NEDD4L: variants seen among roughly 807,000 people sequenced by gnomAD.
NEDD4L encodes the protein E3 ubiquitin-protein ligase NEDD4-like.
A neutral mutation model predicts 148.9 loss-of-function variants in NEDD4L; 54 were observed. The observed-to-expected ratio is 0.36, with a 90% CI of 0.29 to 0.45. The LOEUF is 0.45. Among genes scored for constraint, NEDD4L ranks in the 20% least tolerant of loss-of-function variants. The probability of loss-of-function intolerance (pLI) is 1.00; values close to 1 mark genes in which losing one functional copy is unlikely to be tolerated. For synonymous variants in NEDD4L, 433 were observed against 440.7 expected (o/e 0.98, Z 0.22); for missense variants, 856 against 1,233.8 (o/e 0.69, Z 4.59).
intron 13 of NEDD4L, among the ~76,000 whole-genome samples, chr18:58,340,188 A>C (rs151114557): frequency 2.3e-4 from 35 of 152,286 alleles, no homozygotes; most frequent in African/African-American, 8.4e-4. Context: ...CATCTGTCCC[A>C]GTGCCTCCAT....
At chr18:58,237,601 T>C (rs1462595669) in intron 2 of NEDD4L, among the ~76,000 whole-genome samples, 1 of 152,198 alleles carries the variant, frequency 6.6e-6, no homozygotes, top group Non-Finnish European at 1.5e-5. Flanking sequence ...GGAACAAAAT[T>C]TTTTAACAAA....
intron 5 of NEDD4L, among the ~76,000 whole-genome samples, chr18:58,315,399 C>T (rs547308738): frequency 3.9e-5 from 6 of 151,918 alleles, no homozygotes; most frequent in Non-Finnish European, 7.4e-5. Flanking sequence ...GAGGGAGAGG[C>T]ATGGTGTGTC....
chr18:58,064,198 TC>T (rs1382523240), intron 1 of NEDD4L, among the ~76,000 whole-genome samples: 2 of 152,006 alleles, frequency 1.3e-5, no homozygotes, highest in East Asian at 3.9e-4. Flanking sequence ...TCTCCTGACT[TC>T]GTGATCTGCC....
chr18:58,397,855 A>G lies in NEDD4L; in HGVS notation c.*1586A>G, dbSNP rs983368273. On this transcript the variant is annotated 3_prime_UTR_variant, in exon 31 of 31. Transcript: ENST00000400345. ...TGTCCTAGACCCTGTCGGGGCAGTC[A>G]GGGGACACTAGAGATTTGATCTCAT... The G allele has an allele frequency of 6.6e-6, 1 of 152,654 alleles. No homozygotes were observed. Among genetic ancestry groups the G allele is most frequent in the Admixed American group, 6.5e-5 (1 of 15,284 alleles). The allele number at this position is 152,654 out of a possible 1,614,324, so 9.5% of individuals were successfully genotyped here. A position where few individuals can be genotyped will look rare whatever the true frequency, so the allele number is the denominator to read the frequency against.
At chr18:58,078,075 CAAAATA>C (rs2083262782) in intron 1 of NEDD4L, among the ~76,000 whole-genome samples, 1 of 149,698 alleles carries the variant, frequency 6.7e-6, no homozygotes, top group African/African-American at 2.5e-5. Context: ...CCAGACAAAC[CAAAATA>C]AAAATAAAAA....
chr18:58,086,781 G>A (rs146984694), intron 1 of NEDD4L, among the ~76,000 whole-genome samples: 1 of 152,204 alleles, frequency 6.6e-6, no homozygotes, highest in African/African-American at 2.4e-5. Context: ...ATCTAATGTT[G>A]TGTAACAAAT....
At position 58,044,562 on chromosome 18, in the gene NEDD4L, C is replaced by G. The variant is rs1476686874; in HGVS notation, c.-99C>G. On this transcript the variant is annotated 5_prime_UTR_variant, in exon 1 of 31. Transcript: ENST00000400345. ...GGCAGGGCGTGCGCAGGGTAGGGTG[C>G]GGGACCGGGGGGACCTGGAGGCAGA... 5 of 1,381,676 alleles carry G rather than the reference C, an allele frequency of 3.6e-6. No individual in the cohort carries two copies. The African/African-American group carries it at 6.0e-5, about 17-fold the overall frequency. The allele number at this position is 1,381,676 out of a possible 1,614,324, so 85.6% of individuals were successfully genotyped here. A position where few individuals can be genotyped will look rare whatever the true frequency, so the allele number is the denominator to read the frequency against.
chr18:58,251,075 C>G (rs1001079455), intron 4 of NEDD4L, among the ~76,000 whole-genome samples: 1 of 152,186 alleles, frequency 6.6e-6, no homozygotes, highest in South Asian at 2.1e-4. Context: ...TTGCCCTACA[C>G]ATTAGCTGTG....
chr18:58,256,539 A>T lies in NEDD4L; in HGVS notation c.297+4485A>T, dbSNP rs984265641. ...AGCGAGCGAGGGAGCCCCACGGAAG[A>T]TCGGGGAGCCCTGGAGGCATCGCCT... is the stretch of plus-strand genomic sequence containing the variant. On this transcript the variant is annotated intron_variant, in intron 5 of 30. Coordinates refer to ENST00000400345, the MANE Select transcript of NEDD4L (RefSeq NM_001144967.3). The surrounding 1 kb of genome is among the most constrained non-coding windows in gnomAD (Gnocchi z 5.2). 12 of 1,232,304 alleles carry T rather than the reference A, an allele frequency of 9.7e-6. No homozygotes were observed. Among genetic ancestry groups the T allele is most frequent in the Middle Eastern group, 3.1e-4 (1 of 3,208 alleles). The allele number at this position is 1,232,304 out of a possible 1,614,324, so 76.3% of individuals were successfully genotyped here.
chr18:58,109,954 T>G (rs2085319277), intron 1 of NEDD4L, among the ~76,000 whole-genome samples: 1 of 152,138 alleles, frequency 6.6e-6, no homozygotes, highest in Non-Finnish European at 1.5e-5. Context: ...GAGGCTGATT[T>G]GGAAAGGAGG....
At chr18:58,345,923 G>GTTTTTTTTTTTT (rs72089117) in intron 16 of NEDD4L, among the ~76,000 whole-genome samples, 1 of 135,980 alleles carries the variant, frequency 7.4e-6, no homozygotes, top group Non-Finnish European at 1.6e-5. Context: ...GTTGTTTTTT[G>GTTTTTTTTTTTT]TTTTTTGTTT....
At chr18:58,149,527 T>G (rs900891350) in intron 1 of NEDD4L, 21 of 1,551,280 alleles carry the variant, frequency 1.4e-5, no homozygotes, top group Non-Finnish European at 1.8e-5. Flanking sequence ...TAATATTGTA[T>G]TCTCCTAAAT....
chr18:58,128,471 A>G (rs914159690), intron 1 of NEDD4L, among the ~76,000 whole-genome samples: 2 of 152,204 alleles, frequency 1.3e-5, no homozygotes, highest in Non-Finnish European at 2.9e-5. Context: ...CCTCTGAGTC[A>G]ATTATACAGG....
chr18:58,292,029 G>C (rs1445990720), intron 5 of NEDD4L, among the ~76,000 whole-genome samples: 2 of 152,190 alleles, frequency 1.3e-5, no homozygotes, highest in African/African-American at 4.8e-5. Flanking sequence ...CCTGGGAAAA[G>C]TACCACAAAA....
At chr18:58,054,550 A>T (rs1376347931) in intron 1 of NEDD4L, among the ~76,000 whole-genome samples, 1 of 152,154 alleles carries the variant, frequency 6.6e-6, no homozygotes, top group East Asian at 1.9e-4. Flanking sequence ...CTGAGTAATG[A>T]TTGCACCACC....
intron 1 of NEDD4L, among the ~76,000 whole-genome samples, chr18:58,135,772 T>C (rs572229021): frequency 6.6e-6 from 1 of 152,236 alleles, no homozygotes; most frequent in Non-Finnish European, 1.5e-5. Context: ...GATCGTTTTG[T>C]CTTTGGGCCA....
intron 1 of NEDD4L, among the ~76,000 whole-genome samples, chr18:58,085,633 T>C (rs2083723548): frequency 6.6e-6 from 1 of 151,700 alleles, no homozygotes; most frequent in African/African-American, 2.4e-5. Flanking sequence ...GAGGGTGAAA[T>C]GGGGAATTAG....
At chr18:58,315,902 T>C (rs1418619696) in intron 5 of NEDD4L, 80 bp from the exon 6 acceptor site, 8 of 1,253,940 alleles carry the variant, frequency 6.4e-6, no homozygotes, top group Non-Finnish European at 9.4e-6. Context: ...TTTGTCTCTA[T>C]TCATGATAAA....
intron 5 of NEDD4L, among the ~76,000 whole-genome samples, chr18:58,293,917 C>G (rs2055148810): frequency 6.6e-6 from 1 of 151,878 alleles, no homozygotes; most frequent in Non-Finnish European, 1.5e-5. Flanking sequence ...GAGATGGATT[C>G]TCACTCTGTT....
Sources: allele counts gnomAD v4.1 joint callset (sites outside exome capture counted in the v4.1 genomes callset), GRCh38; gene constraint gnomAD v4.1.1; non-coding constraint Gnocchi (gnomAD v3.1); transcripts MANE v1.5; gene names NCBI Gene and HGNC (gene_info 2026-07-23, HGNC 2026-07-21).